RTN1: variants seen among roughly 807,000 people sequenced by gnomAD.
RTN1 encodes reticulon 1.
Under a neutral mutation model 65.5 loss-of-function variants are expected in RTN1, and 25 were observed. The ratio of observed to expected loss-of-function variants is 0.38; its 90% confidence interval spans 0.28 to 0.53. RTN1 has a LOEUF of 0.53. Ranked by LOEUF, RTN1 falls within the 20% of genes least tolerant of loss-of-function variation. The probability of loss-of-function intolerance (pLI) is 0.79; values close to 1 mark genes in which losing one functional copy is unlikely to be tolerated. For synonymous variants in RTN1, 471 were observed against 447.6 expected (o/e 1.05, Z -0.66); for missense variants, 983 against 1,025.4 (o/e 0.96, Z 0.57).
intron 1 of RTN1, among the ~76,000 whole-genome samples, chr14:59,786,773 T>C (rs1219760593): frequency 6.6e-6 from 1 of 152,208 alleles, no homozygotes; most frequent in Non-Finnish European, 1.5e-5. Context: ...TTCTGGCCAA[T>C]GATTTCACCT....
chr14:59,698,777 A>G (rs944944843), intron 3 of RTN1, among the ~76,000 whole-genome samples: 1 of 152,204 alleles, frequency 6.6e-6, no homozygotes, highest in African/African-American at 2.4e-5. Context: ...CTAATACCTA[A>G]GGCATTAAGA....
chr14:59,730,891 G>A (rs1566702624), intron 2 of RTN1, among the ~76,000 whole-genome samples: 1 of 152,202 alleles, frequency 6.6e-6, no homozygotes, highest in East Asian at 1.9e-4. Flanking sequence ...GAACCTTTAT[G>A]CACTGCTGGT....
rs148077682 is a variant in RTN1, at chr14:59,753,199, A to G, written c.242-6718T>C. Among the ~76,000 whole-genome samples the G allele has an allele frequency of 5.3e-3, 813 of 152,288 alleles. 5 individuals carry two copies. Among genetic ancestry groups the G allele is most frequent in the African/African-American group, 0.018 (763 of 41,548 alleles). ...GGAACAGAATCTAAATGACATCTAT[A>G]TTATTCTAAAAATAAAATATTATTA... is the stretch of plus-strand genomic sequence containing the variant. On this transcript the variant is annotated intron_variant, in intron 1 of 8. Coordinates refer to ENST00000267484, the MANE Select transcript of RTN1 (RefSeq NM_021136.3).
chr14:59,692,683 A>G (rs1217198542), intron 3 of RTN1, among the ~76,000 whole-genome samples: 1 of 152,232 alleles, frequency 6.6e-6, no homozygotes, highest in African/African-American at 2.4e-5. Context: ...TATAGTAACC[A>G]AAACAGCATG....
chr14:59,655,263 T>C (rs920423139), intron 3 of RTN1, among the ~76,000 whole-genome samples: 1 of 152,126 alleles, frequency 6.6e-6, no homozygotes, highest in Non-Finnish European at 1.5e-5. Context: ...TGAGCAAAAG[T>C]CATACCCTGA....
intron 1 of RTN1, among the ~76,000 whole-genome samples, chr14:59,821,026 T>G (rs1337908342): frequency 1.3e-5 from 2 of 151,958 alleles, no homozygotes; most frequent in African/African-American, 4.8e-5. Flanking sequence ...TTCAGAACAG[T>G]TTTTTTTCTA....
chr14:59,763,763 C>T (rs1177886816), intron 1 of RTN1, among the ~76,000 whole-genome samples: 1 of 152,028 alleles, frequency 6.6e-6, no homozygotes, highest in Non-Finnish European at 1.5e-5. Flanking sequence ...AATCTCCTGA[C>T]CTCGTGATCC....
chr14:59,668,795 G>T (rs1566679154), intron 3 of RTN1, among the ~76,000 whole-genome samples: 1 of 152,246 alleles, frequency 6.6e-6, no homozygotes, highest in East Asian at 1.9e-4. Context: ...GTGGGCAAAG[G>T]ATATGAACAG....
intron 1 of RTN1, among the ~76,000 whole-genome samples, chr14:59,792,661 A>T (rs1159604069): frequency 6.6e-6 from 1 of 152,112 alleles, no homozygotes; most frequent in East Asian, 1.9e-4. Context: ...TTCCAATTTC[A>T]TTGGAAATGC....
chr14:59,674,189 C>T (rs1052270270), intron 3 of RTN1, among the ~76,000 whole-genome samples: 14 of 152,148 alleles, frequency 9.2e-5, no homozygotes, highest in African/African-American at 2.7e-4. Flanking sequence ...ACTTTAAAGA[C>T]AAAGTTATAC....
At chr14:59,597,046 T>C (rs921989247) in intron 8 of RTN1, among the ~76,000 whole-genome samples, 1 of 152,120 alleles carries the variant, frequency 6.6e-6, no homozygotes, top group Admixed American at 6.5e-5. Context: ...TGGAGGAACA[T>C]ATTGACTTAT....
At chr14:59,735,877 G>C (rs1884992312) in intron 2 of RTN1, among the ~76,000 whole-genome samples, 1 of 152,046 alleles carries the variant, frequency 6.6e-6, no homozygotes, top group Non-Finnish European at 1.5e-5. Context: ...TAGAACTCAA[G>C]ATTAAGAAAT....
intron 1 of RTN1, among the ~76,000 whole-genome samples, chr14:59,814,155 A>G (rs1027688129): frequency 6.6e-6 from 1 of 152,174 alleles, no homozygotes; most frequent in Non-Finnish European, 1.5e-5. Flanking sequence ...TATCATGTCC[A>G]CATTCTAGGC....
At chr14:59,855,995 G>A (rs1887600489) in intron 1 of RTN1, among the ~76,000 whole-genome samples, 1 of 152,156 alleles carries the variant, frequency 6.6e-6, no homozygotes, top group South Asian at 2.1e-4. Context: ...GCTAGAAACA[G>A]CAGGCTTTTT....
chr14:59,850,119 G>A (rs1887478458), intron 1 of RTN1, among the ~76,000 whole-genome samples: 2 of 152,152 alleles, frequency 1.3e-5, no homozygotes, highest in African/African-American at 4.8e-5. Flanking sequence ...TCTTTGCAAA[G>A]TAAAGCTGAA....
chr14:59,641,062 ATCC>A (rs1284704180), intron 3 of RTN1, among the ~76,000 whole-genome samples: 5 of 151,896 alleles, frequency 3.3e-5, no homozygotes, highest in Admixed American at 1.3e-4. Flanking sequence ...GGCTCAGGTG[ATCC>A]TCCCACCTCA....
At chr14:59,662,187 T>C (rs1242043489) in intron 3 of RTN1, among the ~76,000 whole-genome samples, 1 of 152,000 alleles carries the variant, frequency 6.6e-6, no homozygotes, top group African/African-American at 2.4e-5. Flanking sequence ...ATACTTTAAG[T>C]TCTAGGGTAC....
At chr14:59,670,946 T>A (rs930160919) in intron 3 of RTN1, among the ~76,000 whole-genome samples, 2 of 152,340 alleles carry the variant, frequency 1.3e-5, no homozygotes, top group Admixed American at 1.3e-4. Context: ...ATGTACAACA[T>A]TCCTTTCAGG....
At chr14:59,754,387 G>T (rs1028371038) in intron 1 of RTN1, among the ~76,000 whole-genome samples, 6 of 152,138 alleles carry the variant, frequency 3.9e-5, no homozygotes, top group Non-Finnish European at 5.9e-5. Context: ...CTTTTCTCAA[G>T]GAAAAGCTTT....
Sources: gnomAD v4.1 joint callset for allele counts (sites outside exome capture counted in the v4.1 genomes callset) on GRCh38, gnomAD v4.1.1 for gene constraint, MANE v1.5 for transcripts, NCBI Gene and HGNC (gene_info 2026-07-23, HGNC 2026-07-21) for gene names.